Variants in ARHGAP32 observed in about 807,000 individuals in gnomAD.
ARHGAP32 encodes Rho GTPase activating protein 32, also known as rho GTPase-activating protein 32.
A neutral mutation model predicts 186.5 loss-of-function variants in ARHGAP32; 51 were observed. That is an observed-to-expected ratio of 0.27 (90% CI 0.22 to 0.35). The LOEUF is 0.35. ARHGAP32 is among the 10% of genes least tolerant of loss of function. ARHGAP32 has a pLI of 1.00. For synonymous variants in ARHGAP32, 950 were observed against 964.3 expected, an observed-to-expected ratio of 0.99 and a Z score of 0.27; for missense variants, 2,186 against 2,623.5, an observed-to-expected ratio of 0.83 and a Z score of 3.64.
At chr11:129,041,316 C>CA (rs1308378485) in intron 10 of ARHGAP32, among the ~76,000 whole-genome samples, 1 of 151,856 alleles carries the variant, frequency 6.6e-6, no homozygotes, top group Non-Finnish European at 1.5e-5. Context: ...GCTATGCATG[C>CA]AAGTAGGTAA....
In ARHGAP32 at chr11:128,966,647, T is replaced by C. The variant is rs1945228565; in HGVS notation, c.*2260A>G. The C allele has an allele frequency of 6.6e-6, 1 of 152,216 alleles. No homozygotes were observed. The highest frequency in any genetic ancestry group is 2.4e-5 in the African/African-American group (1 of 41,456). The allele number at this position is 152,216 out of a possible 1,614,324, so 9.4% of individuals were successfully genotyped here. A position where few individuals can be genotyped will look rare whatever the true frequency, so the allele number is the denominator to read the frequency against. ...ACTATTTATAAAATAGGTTTTAGTT[T>C]CAGGACTAAACAATGTGTGTGACAA... On this transcript the variant is annotated 3_prime_UTR_variant, in exon 23 of 23. Transcript: ENST00000682385.
intron 1 of ARHGAP32, among the ~76,000 whole-genome samples, chr11:129,207,747 C>A (rs1257670436): frequency 1.3e-5 from 2 of 151,616 alleles, no homozygotes; most frequent in Admixed American, 1.3e-4. Context: ...TTTCTACAAG[C>A]CTTCTAAAAT....
intron 6 of ARHGAP32, among the ~76,000 whole-genome samples, chr11:129,076,708 C>T (rs1448747586): frequency 2.6e-5 from 4 of 152,092 alleles, no homozygotes; most frequent in Admixed American, 6.6e-5. Flanking sequence ...TAGCATTGAA[C>T]GCATGCATCA....
chr11:128,994,543 C>T (rs1946149027), intron 12 of ARHGAP32, among the ~76,000 whole-genome samples: 1 of 151,500 alleles, frequency 6.6e-6, no homozygotes, highest in Non-Finnish European at 1.5e-5. Context: ...GGTCTCAAAC[C>T]CCTAGGCTCA....
intron 11 of ARHGAP32, among the ~76,000 whole-genome samples, chr11:129,024,997 G>A (rs925799490): frequency 1.3e-5 from 2 of 151,908 alleles, no homozygotes; most frequent in African/African-American, 4.8e-5. Flanking sequence ...AAATGAATTG[G>A]AAAATATTTA....
chr11:128,981,388 C>T, intron 17 of ARHGAP32, 28 bp downstream of exon 17: 1 of 1,555,934 alleles, frequency 6.4e-7, no homozygotes. Flanking sequence ...ACACACCCTC[C>T]TGGTAGGAAG....
intron 11 of ARHGAP32, among the ~76,000 whole-genome samples, chr11:129,035,962 A>G (rs563500460): frequency 6.3e-4 from 96 of 152,306 alleles, no homozygotes; most frequent in African/African-American, 2.2e-3. Flanking sequence ...TTTAGAAATA[A>G]CAATGCTATG....
At chr11:129,144,345 A>T (rs1943125333) in intron 2 of ARHGAP32, among the ~76,000 whole-genome samples, 2 of 152,158 alleles carry the variant, frequency 1.3e-5, no homozygotes, top group African/African-American at 4.8e-5. Context: ...TTCTAAATCG[A>T]ATCTGTGAAT....
intron 6 of ARHGAP32, among the ~76,000 whole-genome samples, chr11:129,082,043 C>A (rs1298369034): frequency 6.6e-6 from 1 of 151,888 alleles, no homozygotes; most frequent in Admixed American, 6.6e-5. Context: ...AAGGAATATA[C>A]CTAACCAAGG....
At chr11:129,134,293 T>C (rs867569822) in intron 2 of ARHGAP32, among the ~76,000 whole-genome samples, 4 of 152,074 alleles carry the variant, frequency 2.6e-5, no homozygotes, top group Non-Finnish European at 5.9e-5. Context: ...TAGTACTTAA[T>C]GATGAAATAT....
chr11:129,160,191 C>T (rs1279607388), intron 2 of ARHGAP32, among the ~76,000 whole-genome samples: 1 of 152,158 alleles, frequency 6.6e-6, no homozygotes, highest in Admixed American at 6.5e-5. Flanking sequence ...AAAATCAGCA[C>T]AAGACAAGGA....
chr11:129,173,445 G>A (rs1943818727), intron 1 of ARHGAP32, among the ~76,000 whole-genome samples: 1 of 152,100 alleles, frequency 6.6e-6, no homozygotes, highest in African/African-American at 2.4e-5. Context: ...TTAAAAAGGA[G>A]GGACTCCTCC....
chr11:128,985,884 ATG>A, intron 15 of ARHGAP32, 117 bp downstream of exon 15: 1 of 265,902 alleles, frequency 3.8e-6, no homozygotes. Context: ...ATATATATAT[ATG>A]AAATGGAAGT....
chr11:128,972,400 A>T, intron 22 of ARHGAP32, 53 bp downstream of exon 22: 1 of 1,484,720 alleles, frequency 6.7e-7, no homozygotes. Flanking sequence ...CTGAAAAGTG[A>T]CATACCTTTG....
intron 10 of ARHGAP32, among the ~76,000 whole-genome samples, chr11:129,049,921 T>A (rs1939971274): frequency 1.3e-5 from 2 of 152,220 alleles, no homozygotes; most frequent in African/African-American, 4.8e-5. Flanking sequence ...ATTCCTCCCT[T>A]AACGTCATTG....
chr11:128,975,372 T>C (rs1945511528), intron 20 of ARHGAP32, among the ~76,000 whole-genome samples: 1 of 152,204 alleles, frequency 6.6e-6, no homozygotes, highest in Non-Finnish European at 1.5e-5. Flanking sequence ...ATATGACTTA[T>C]GAGGTGGAAT....
At chr11:129,238,506 TGTCA>T (rs773406888) in intron 1 of ARHGAP32, among the ~76,000 whole-genome samples, 1 of 152,176 alleles carries the variant, frequency 6.6e-6, no homozygotes, top group South Asian at 2.1e-4. Flanking sequence ...CATCTATAAA[TGTCA>T]GTAACAGGTG....
At chr11:129,146,752 GT>G (rs1943174416) in intron 2 of ARHGAP32, among the ~76,000 whole-genome samples, 1 of 151,842 alleles carries the variant, frequency 6.6e-6, no homozygotes, top group African/African-American at 2.4e-5. Flanking sequence ...AAATTTTTAA[GT>G]TCCAAAATTT....
intron 1 of ARHGAP32, among the ~76,000 whole-genome samples, chr11:129,248,226 A>C (rs1483886758): frequency 6.6e-6 from 1 of 151,898 alleles, no homozygotes; most frequent in African/African-American, 2.4e-5. Flanking sequence ...AAAAAAAAAA[A>C]AAAAGGAAAG....
Sources: gnomAD v4.1 joint callset for allele counts (sites outside exome capture counted in the v4.1 genomes callset) on GRCh38, gnomAD v4.1.1 for gene constraint, MANE v1.5 for transcripts, NCBI Gene and HGNC (gene_info 2026-07-23, HGNC 2026-07-21) for gene names.